KSR1: variants seen among roughly 807,000 people sequenced by gnomAD.
KSR1 encodes the protein kinase suppressor of ras.
In KSR1, 35 loss-of-function variants were observed where a neutral mutation model predicts 92.9. The observed-to-expected ratio is 0.38, with a 90% confidence interval of 0.29 to 0.50. KSR1 has a LOEUF of 0.50. KSR1 is among the 20% of genes least tolerant of loss of function. The probability of loss-of-function intolerance (pLI) is 0.94; values close to 1 mark genes in which losing one functional copy is unlikely to be tolerated. For missense variants in KSR1, 972 were observed against 1,158.5 expected, an observed-to-expected ratio of 0.84 and a Z score of 2.34; for synonymous variants, 467 against 472.6, an observed-to-expected ratio of 0.99 and a Z score of 0.15.
chr17:27,468,097 G>A (rs1035263181), intron 1 of KSR1, among the ~76,000 whole-genome samples: 2 of 151,890 alleles, frequency 1.3e-5, no homozygotes, highest in African/African-American at 2.4e-5. Context: ...GATTACAGGC[G>A]TGAGCCACTG....
At chr17:27,470,797 C>A (rs934995696) in intron 1 of KSR1, among the ~76,000 whole-genome samples, 46 of 152,130 alleles carry the variant, frequency 3.0e-4, no homozygotes, top group African/African-American at 1.0e-3. Flanking sequence ...TTTATTCTCC[C>A]CATTTTTTGA....
intron 5 of KSR1, 65 bp downstream of exon 5, chr17:27,585,726 CG>C: frequency 1.4e-6 from 1 of 734,266 alleles, no homozygotes; most frequent in East Asian, 2.6e-5. Context: ...CTGTCCCCAT[CG>C]GGGGTGGACC....
At chr17:27,535,138 C>G (rs2070707962) in intron 1 of KSR1, among the ~76,000 whole-genome samples, 1 of 151,902 alleles carries the variant, frequency 6.6e-6, no homozygotes, top group Non-Finnish European at 1.5e-5. Context: ...TAAAATCATG[C>G]TTTCCTGGGT....
chr17:27,591,612 G>A (rs190430437), intron 7 of KSR1, among the ~76,000 whole-genome samples: 5 of 152,240 alleles, frequency 3.3e-5, no homozygotes, highest in Non-Finnish European at 7.3e-5. Flanking sequence ...TGGGTCTTGT[G>A]CATATCAGCT....
Position 27,572,384 on chromosome 17 carries a change from GCATCCATGT to G in KSR1, c.373-5106_373-5098del, listed in dbSNP as rs568512501. Among the ~76,000 whole-genome samples the G allele has an allele frequency of 1.5e-4, 23 of 152,312 alleles. No homozygotes were observed. In the South Asian group the frequency reaches 2.7e-3, roughly 18 times the overall value. Reference sequence around the variant, plus strand: ...TTGGGCATCTCCTATGATGGTCTGGGCATCCATGTCTTCCGTTTTTGGTTTGTAGTTCCA... The same window carrying G: ...TTGGGCATCTCCTATGATGGTCTGGGCTTCCGTTTTTGGTTTGTAGTTCCA... On this transcript the variant is annotated intron_variant, in intron 2 of 20. Coordinates refer to ENST00000644974, the MANE Select transcript of KSR1 (RefSeq NM_001394583.1).
chr17:27,572,891 C>T (rs2072365126), intron 2 of KSR1, among the ~76,000 whole-genome samples: 1 of 152,168 alleles, frequency 6.6e-6, no homozygotes, highest in Non-Finnish European at 1.5e-5. Context: ...CCTTCACAGC[C>T]ACGCGACCGT....
At chr17:27,590,535 G>A (rs550711177) in intron 6 of KSR1, among the ~76,000 whole-genome samples, 5 of 152,328 alleles carry the variant, frequency 3.3e-5, no homozygotes, top group Admixed American at 2.0e-4. Flanking sequence ...AAGGGTATGC[G>A]CACTTGTACT....
chr17:27,584,532 A>G (rs975229732), intron 4 of KSR1, among the ~76,000 whole-genome samples: 5 of 152,208 alleles, frequency 3.3e-5, no homozygotes, highest in Admixed American at 6.5e-5. Flanking sequence ...GAGGCCTCAC[A>G]GTGGGCTCAA....
chr17:27,468,557 T>C (rs1402554175), intron 1 of KSR1, among the ~76,000 whole-genome samples: 4 of 152,158 alleles, frequency 2.6e-5, no homozygotes, highest in African/African-American at 7.2e-5. Flanking sequence ...ATCTAGGGTA[T>C]TTATGCTCTG....
At chr17:27,526,986 G>A (rs951769942) in intron 1 of KSR1, 8 of 553,258 alleles carry the variant, frequency 1.4e-5, no homozygotes, top group African/African-American at 1.3e-4. Context: ...TTTAGTCCAA[G>A]CCTTGATGTT....
intron 7 of KSR1, among the ~76,000 whole-genome samples, chr17:27,591,566 G>A (rs555770621): frequency 1.2e-4 from 19 of 152,342 alleles, no homozygotes; most frequent in Admixed American, 1.2e-3. Context: ...GCTAGTATGT[G>A]TGATTGCATC....
intron 1 of KSR1, among the ~76,000 whole-genome samples, chr17:27,502,622 G>A (rs906523786): frequency 6.6e-6 from 1 of 152,228 alleles, no homozygotes; most frequent in Non-Finnish European, 1.5e-5. Flanking sequence ...CATGTCAGGA[G>A]CCCTCCTCGG....
intron 1 of KSR1, among the ~76,000 whole-genome samples, chr17:27,522,955 C>CATCAT (rs1244694736): frequency 6.6e-6 from 1 of 152,120 alleles, no homozygotes; most frequent in East Asian, 1.9e-4. Flanking sequence ...ATCCTGCTAC[C>CATCAT]ATCATGTTAG....
chr17:27,468,537 A>G (rs772511644), intron 1 of KSR1, among the ~76,000 whole-genome samples: 3 of 152,270 alleles, frequency 2.0e-5, no homozygotes, highest in Non-Finnish European at 4.4e-5. Context: ...CCTGTGGCCA[A>G]TCTTGAGTGA....
chr17:27,588,370 CA>C (rs2073046706), intron 5 of KSR1, 104 bp from the exon 6 acceptor site: 1 of 923,916 alleles, frequency 1.1e-6, no homozygotes, highest in Non-Finnish European at 1.6e-6. Context: ...TATAATAAAC[CA>C]TTGCGCCCCC....
intron 18 of KSR1, among the ~76,000 whole-genome samples, chr17:27,615,534 A>G (rs919704817): frequency 2.0e-5 from 3 of 152,186 alleles, no homozygotes; most frequent in African/African-American, 7.2e-5. Context: ...TGAGAGAAGA[A>G]ACAAACACCT....
At chr17:27,470,034 GTT>G (rs1555563893) in intron 1 of KSR1, among the ~76,000 whole-genome samples, 1 of 128,230 alleles carries the variant, frequency 7.8e-6, no homozygotes, top group Non-Finnish European at 1.7e-5. Flanking sequence ...GTGTGTGTGT[GTT>G]AAGACTTGCC....
At chr17:27,620,284 GCTGCACACCTGCCGCATGC>G (rs980358614) in intron 19 of KSR1, among the ~76,000 whole-genome samples, 11 of 152,182 alleles carry the variant, frequency 7.2e-5, no homozygotes, top group Non-Finnish European at 7.3e-5. Context: ...GGCAGCCATT[GCTGCACACCTGCCGCATGC>G]CTGCACACCT....
chr17:27,572,900 G>T (rs4794941), intron 2 of KSR1, among the ~76,000 whole-genome samples: 21,455 of 152,118 alleles, frequency 0.14, 1,684 homozygotes, highest in Admixed American at 0.23. Context: ...CCACGCGACC[G>T]TCCTGGTAGC....
Sources: gnomAD v4.1 joint callset for allele counts (sites outside exome capture counted in the v4.1 genomes callset) on GRCh38, gnomAD v4.1.1 for gene constraint, MANE v1.5 for transcripts, NCBI Gene and HGNC (gene_info 2026-07-23, HGNC 2026-07-21) for gene names.